Variants in IQSEC1 observed in about 807,000 individuals in gnomAD.
The protein encoded by IQSEC1 is IQ motif and SEC7 domain-containing protein 1.
Under a neutral mutation model 91.0 loss-of-function variants are expected in IQSEC1, and 31 were observed. That is an observed-to-expected ratio of 0.34 (90% CI 0.26 to 0.46). The LOEUF (loss-of-function observed/expected upper bound fraction) is 0.46, where lower values mean the gene tolerates loss of function less well. Ranked by LOEUF, IQSEC1 falls within the 20% of genes least tolerant of loss-of-function variation. The pLI is 1.00. For missense variants in IQSEC1, 1,388 were observed against 1,575.6 expected (o/e 0.88, Z 2.02); for synonymous variants, 699 against 662.6 (o/e 1.05, Z -0.84).
intron 1 of IQSEC1, among the ~76,000 whole-genome samples, chr3:13,228,850 G>C (rs1341664711): frequency 6.6e-6 from 1 of 152,192 alleles, no homozygotes; most frequent in Non-Finnish European, 1.5e-5. Flanking sequence ...TTCAGGACTT[G>C]GTGTAAATGC....
chr3:13,206,638 T>A (rs1457486866), intron 1 of IQSEC1, among the ~76,000 whole-genome samples: 1 of 152,168 alleles, frequency 6.6e-6, no homozygotes, highest in Non-Finnish European at 1.5e-5. Flanking sequence ...AAAAATCGTA[T>A]GCATTATATA....
rs186200119 is a variant in IQSEC1 at position 13,103,187 on chromosome 3, C to T, written c.303-55665G>A. ...AGGCAGGTCAGTTCAGGGAAGGGGCCTGCATCGAACTCTCGCCACCTCCCT... is the reference window on the plus strand; with the variant it reads ...AGGCAGGTCAGTTCAGGGAAGGGGCTTGCATCGAACTCTCGCCACCTCCCT... On this transcript the variant is annotated intron_variant, in intron 2 of 15. Coordinates refer to the IQSEC1 transcript ENST00000648114. The surrounding 1 kb of genome is among the most constrained non-coding windows in gnomAD (Gnocchi z 4.1). 2.3e-3 allele frequency among the ~76,000 whole-genome samples: 344 copies of T among 152,246 alleles called. 1 individual carries two copies. The highest frequency in any genetic ancestry group is 7.9e-3 in the African/African-American group (327 of 41,556).
At chr3:13,248,639 C>A (rs1359385184) in intron 1 of IQSEC1, among the ~76,000 whole-genome samples, 1 of 152,232 alleles carries the variant, frequency 6.6e-6, no homozygotes, top group African/African-American at 2.4e-5. Context: ...ATAAAAGTAG[C>A]CCCCTTACAG....
chr3:13,214,124 G>T lies in IQSEC1; in HGVS notation c.273-49991C>A, dbSNP rs975462537. 1.3e-5 allele frequency among the ~76,000 whole-genome samples: 2 copies of T among 152,094 alleles called. No individual in the cohort carries two copies. The highest frequency in any genetic ancestry group is 2.9e-5 in the Non-Finnish European group (2 of 68,022). Reference sequence around the variant, plus strand: ...GCCCCTCCTGGCCTTTGCTATACTGGTCTCTCTGCTCCAGTGTCATTCTCC... The same window carrying T: ...GCCCCTCCTGGCCTTTGCTATACTGTTCTCTCTGCTCCAGTGTCATTCTCC... On this transcript the variant is annotated intron_variant, in intron 1 of 15. Transcript: ENST00000648114. The surrounding 1 kb of genome is among the most constrained non-coding windows in gnomAD (Gnocchi z 4.5).
Position 12,913,469 on chromosome 3 carries a change from G to T in IQSEC1, c.2275C>A (p.Leu759Ile), listed in dbSNP as rs201364726. Residue 759 changes from leucine (L) to isoleucine (I), a missense_variant, in exon 9 of 14, where the codon CTA becomes ATA. Coordinates refer to ENST00000613206, the MANE Select transcript of IQSEC1 (RefSeq NM_001134382.3). ...PDPNKPQKLG[L>I]HQREIFLFND... Reference sequence around the variant, plus strand: ...AACAGGAAGATTTCTCGCTGGTGTAGTCCGAGTTTCTGGGGCTTGTTTGGG... The same window carrying T: ...AACAGGAAGATTTCTCGCTGGTGTATTCCGAGTTTCTGGGGCTTGTTTGGG... 4 of 1,607,266 alleles carry T rather than the reference G, an allele frequency of 2.5e-6. No homozygotes were observed. The highest frequency in any genetic ancestry group is 4.5e-5 in the East Asian group (2 of 44,624).
At position 13,220,776 on chromosome 3, in the gene IQSEC1, C is replaced by T. The variant is rs1426595079; in HGVS notation, c.273-56643G>A. Among the ~76,000 whole-genome samples, 7 of 152,234 alleles carry T rather than the reference C, an allele frequency of 4.6e-5. No homozygotes were observed. In the South Asian group the frequency reaches 1.2e-3, roughly 27 times the overall value. On this transcript the variant is annotated intron_variant, in intron 1 of 15. Transcript: ENST00000648114. ...AAGGGCGATGCCGCCTGGACACTCA[C>T]GTCCCGGGATATTTGGCTAAACTGG... is the stretch of plus-strand genomic sequence containing the variant.
intron 2 of IQSEC1, among the ~76,000 whole-genome samples, chr3:13,084,769 G>A (rs368151074): frequency 3.3e-5 from 5 of 152,174 alleles, no homozygotes; most frequent in Admixed American, 6.5e-5. Flanking sequence ...ATCATTGGCC[G>A]TAGTAACCAA....
intron 1 of IQSEC1, among the ~76,000 whole-genome samples, chr3:13,069,104 A>G (rs1705330270): frequency 6.6e-6 from 1 of 152,244 alleles, no homozygotes; most frequent in South Asian, 2.1e-4. Flanking sequence ...AAGGGTGGAT[A>G]GATGCTACAG....
At chr3:13,089,702 G>A (rs1367573968) in intron 2 of IQSEC1, among the ~76,000 whole-genome samples, 3 of 152,216 alleles carry the variant, frequency 2.0e-5, no homozygotes, top group Non-Finnish European at 2.9e-5. Flanking sequence ...TCTATGATTC[G>A]AATGGTGTGA....
intron 2 of IQSEC1, among the ~76,000 whole-genome samples, chr3:13,094,510 C>G (rs1385638516): frequency 1.3e-5 from 2 of 152,132 alleles, no homozygotes; most frequent in Admixed American, 6.5e-5. Context: ...AATTTTGTTC[C>G]TTTTTGTCAG....
chr3:12,911,471 C>G lies in IQSEC1; in HGVS notation c.2416+158G>C, dbSNP rs932782715. Among the ~76,000 whole-genome samples the G allele has an allele frequency of 2.0e-5, 3 of 152,194 alleles. No individual in the cohort carries two copies. The South Asian group carries it at 6.2e-4, about 31-fold the overall frequency. On this transcript the variant is annotated intron_variant, in intron 10 of 13. Transcript: ENST00000613206. Reference sequence around the variant, plus strand: ...CTGATGGGCCTCTTGAGGGTCTGTGCCTACAGCTCACCGGAGCTCCTAGCT... The same window carrying G: ...CTGATGGGCCTCTTGAGGGTCTGTGGCTACAGCTCACCGGAGCTCCTAGCT...
intron 1 of IQSEC1, chr3:13,015,743 C>G (rs1703096465): frequency 1.0e-6 from 1 of 985,218 alleles, no homozygotes; most frequent in Non-Finnish European, 1.2e-6. Flanking sequence ...GGAGAGGGTG[C>G]CAGGCACCCT....
At chr3:12,939,723 T>C (rs1292674939) in intron 2 of IQSEC1, among the ~76,000 whole-genome samples, 2 of 152,186 alleles carry the variant, frequency 1.3e-5, no homozygotes, top group Non-Finnish European at 2.9e-5. Flanking sequence ...CTGTTGCCTC[T>C]TCCTGGGACA....
At chr3:13,208,871 G>T (rs1694390528) in intron 1 of IQSEC1, among the ~76,000 whole-genome samples, 1 of 152,202 alleles carries the variant, frequency 6.6e-6, no homozygotes, top group Non-Finnish European at 1.5e-5. Flanking sequence ...GAGTGCCTGG[G>T]GGTTGCCCCG....
chr3:13,032,457 G>A (rs1307617102), intron 1 of IQSEC1, among the ~76,000 whole-genome samples: 4 of 152,236 alleles, frequency 2.6e-5, no homozygotes, highest in Non-Finnish European at 4.4e-5. Flanking sequence ...GGCCAGCCCA[G>A]GGCCAGCAAC....
At chr3:13,091,058 A>C (rs1705851676) in intron 2 of IQSEC1, among the ~76,000 whole-genome samples, 2 of 152,064 alleles carry the variant, frequency 1.3e-5, no homozygotes, top group African/African-American at 4.8e-5. Flanking sequence ...CTGATGACCC[A>C]TTCTGTGCTC....
chr3:13,046,790 T>C (rs567742619), intron 1 of IQSEC1, among the ~76,000 whole-genome samples: 3 of 152,012 alleles, frequency 2.0e-5, no homozygotes, highest in African/African-American at 7.3e-5. Context: ...GCAGCACAGA[T>C]GTCCCCTCCT....
chr3:13,222,581 C>G (rs1292131679), intron 1 of IQSEC1, among the ~76,000 whole-genome samples: 1 of 152,320 alleles, frequency 6.6e-6, no homozygotes, highest in Admixed American at 6.5e-5. Context: ...CACGTTACCT[C>G]CCCCCAGCAA....
intron 2 of IQSEC1, among the ~76,000 whole-genome samples, chr3:12,937,571 G>C (rs1242527228): frequency 1.3e-5 from 2 of 152,184 alleles, no homozygotes; most frequent in African/African-American, 4.8e-5. Context: ...CTTGGTAGCT[G>C]GGTGACCCAG....
Sources: allele counts gnomAD v4.1 joint callset (sites outside exome capture counted in the v4.1 genomes callset), GRCh38; gene constraint gnomAD v4.1.1; non-coding constraint Gnocchi (gnomAD v3.1); transcripts MANE v1.5; gene names NCBI Gene and HGNC (gene_info 2026-07-23, HGNC 2026-07-21).